The following MMD2 variants were observed in gnomAD, a reference collection of about 807,000 sequenced individuals.
The protein encoded by MMD2 is monocyte to macrophage differentiation factor 2.
In MMD2, 30 loss-of-function variants were observed where a neutral mutation model predicts 33.5. The ratio of observed to expected loss-of-function variants is 0.90; its 90% CI spans 0.67 to 1.22. The LOEUF is 1.22. MMD2 is among the 50% of genes most tolerant of loss of function. The pLI is 0.00. For synonymous variants in MMD2, 129 were observed against 123.0 expected, an observed-to-expected ratio of 1.05 and a Z score of -0.32; for missense variants, 364 against 325.4, an observed-to-expected ratio of 1.12 and a Z score of -0.91.
At chr7:4,931,418 G>A (rs1391591245) in intron 1 of MMD2, among the ~76,000 whole-genome samples, 1 of 151,704 alleles carries the variant, frequency 6.6e-6, no homozygotes, top group Admixed American at 6.6e-5. Flanking sequence ...CTCCCAAAGT[G>A]TTGGGATTAC....
intron 2 of MMD2, among the ~76,000 whole-genome samples, 196 bp downstream of exon 2, chr7:4,925,255 C>T (rs972987929): frequency 6.6e-6 from 1 of 152,088 alleles, no homozygotes; most frequent in African/African-American, 2.4e-5. Context: ...TAGAGCAAGA[C>T]AGAGACATGG....
Position 4,907,092 on chromosome 7 carries a change from C to G in MMD2, c.*304G>C. ...GAAACACAGATTGGCCCGTCATTCC[C>G]CAATTTTCCAGGACCATGCCTGCTT... On this transcript the variant is annotated 3_prime_UTR_variant, in exon 7 of 7. Transcript: ENST00000401401. The G allele has an allele frequency of 2.8e-6, 1 of 360,674 alleles. No individual in the cohort carries two copies. Among genetic ancestry groups the G allele is most frequent in the Non-Finnish European group, 5.1e-6 (1 of 195,054 alleles). The allele number at this position is 360,674 out of a possible 1,614,324, so 22.3% of individuals were successfully genotyped here. A position where few individuals can be genotyped will look rare whatever the true frequency, so the allele number is the denominator to read the frequency against.
rs183592231 is a variant in MMD2 at position 4,937,978 on chromosome 7, T to C, written c.48-12446A>G. 4.1e-3 allele frequency among the ~76,000 whole-genome samples: 600 copies of C among 147,194 alleles called. 2 individuals are homozygous for C. Among genetic ancestry groups the C allele is most frequent in the African/African-American group, 0.014 (555 of 39,948 alleles). On this transcript the variant is annotated intron_variant, in intron 1 of 6. Transcript: ENST00000401401. Reference sequence around the variant, plus strand: ...GAAAACAATTTAATTTCTTTTTCTTTTTTTTTTCTTTTTTTCTTTCTTTCT... The same window carrying C: ...GAAAACAATTTAATTTCTTTTTCTTCTTTTTTTCTTTTTTTCTTTCTTTCT...
chr7:4,948,316 C>G lies in MMD2; in HGVS notation c.47+10655G>C, dbSNP rs1007033818. ...CTGAGGCAGGCAGATCACCTGAGGC[C>G]AGGAGTTAGAGACCAGCCTTGGGGG... On this transcript the variant is annotated intron_variant, in intron 1 of 6. Transcript: ENST00000401401. Among the ~76,000 whole-genome samples the G allele has an allele frequency of 3.3e-5, 5 of 152,096 alleles. No individual in the cohort carries two copies. The East Asian group carries it at 9.7e-4, about 29-fold the overall frequency.
chr7:4,950,818 A>G (rs942383587), intron 1 of MMD2, among the ~76,000 whole-genome samples: 1 of 151,310 alleles, frequency 6.6e-6, no homozygotes, highest in African/African-American at 2.4e-5. Flanking sequence ...GATTCAAGCA[A>G]TTCTCGTGCC....
the MMD2 span, among the ~76,000 whole-genome samples, chr7:4,899,207 C>T: frequency 3.3e-5 from 5 of 152,106 alleles, no homozygotes; most frequent in African/African-American, 1.2e-4. Context: ...TTGGACTTCT[C>T]AGCCTCCAGA....
chr7:4,905,695 T>G (rs538540706), downstream of MMD2, among the ~76,000 whole-genome samples: 5 of 151,616 alleles, frequency 3.3e-5, no homozygotes, highest in Admixed American at 3.3e-4. This position sits in a 1 kb window ranked among gnomAD's most constrained non-coding sequence, Gnocchi z 5.0. Flanking sequence ...AGAGGTCAAG[T>G]TTTCAGTGTC....
chr7:4,895,560 G>C, the MMD2 span, among the ~76,000 whole-genome samples: 8 of 149,578 alleles, frequency 5.3e-5, no homozygotes, highest in African/African-American at 2.0e-4. Flanking sequence ...TTTTTGAGAC[G>C]GAGTCTCGCT....
intron 1 of MMD2, among the ~76,000 whole-genome samples, chr7:4,958,592 T>C (rs1335007433): frequency 1.3e-5 from 2 of 152,144 alleles, no homozygotes; most frequent in African/African-American, 2.4e-5. Flanking sequence ...AGACCGAGCG[T>C]AACTGCCCGA....
intron 3 of MMD2, among the ~76,000 whole-genome samples, chr7:4,917,536 C>T (rs1214424604): frequency 6.6e-6 from 1 of 151,642 alleles, no homozygotes; most frequent in Non-Finnish European, 1.5e-5. Flanking sequence ...ACTAAAAATA[C>T]AAAAAATTAG....
downstream of MMD2, among the ~76,000 whole-genome samples, chr7:4,905,239 AAGG>A (rs1784845795): frequency 6.6e-6 from 1 of 151,530 alleles, no homozygotes; most frequent in Non-Finnish European, 1.5e-5. This position sits in a 1 kb window ranked among gnomAD's most constrained non-coding sequence, Gnocchi z 5.0. Context: ...AGAAAAGAAG[AAGG>A]AGAAGGAGGA....
At chr7:4,953,756 C>T (rs1457320491) in intron 1 of MMD2, among the ~76,000 whole-genome samples, 1 of 152,144 alleles carries the variant, frequency 6.6e-6, no homozygotes, top group Admixed American at 6.6e-5. Context: ...AAGGCGTGAG[C>T]CACCGCACCC....
intron 1 of MMD2, among the ~76,000 whole-genome samples, chr7:4,949,246 C>G (rs533304556): frequency 5.7e-4 from 87 of 152,078 alleles, no homozygotes; most frequent in African/African-American, 1.8e-3. Flanking sequence ...ACTATTGTCA[C>G]CCTGCTTGCT....
intron 1 of MMD2, among the ~76,000 whole-genome samples, chr7:4,931,548 G>T (rs979958699): frequency 2.0e-5 from 3 of 151,954 alleles, no homozygotes; most frequent in Admixed American, 2.0e-4. Context: ...GAACTCCTGG[G>T]CTCCACGGAT....
Position 4,940,647 on chromosome 7 carries a change from A to C in MMD2, c.48-15115T>G, listed in dbSNP as rs1481543978. Among the ~76,000 whole-genome samples, 4 of 152,200 alleles carry C rather than the reference A, an allele frequency of 2.6e-5. No individual in the cohort carries two copies. Among genetic ancestry groups the C allele is most frequent in the African/African-American group, 9.6e-5 (4 of 41,458 alleles). On this transcript the variant is annotated intron_variant, in intron 1 of 6. Transcript: ENST00000401401. The surrounding 1 kb of genome is among the most constrained non-coding windows in gnomAD (Gnocchi z 5.0). Reference sequence around the variant, plus strand: ...TGAAAGGCCGGCGGTATCTTGGCTCAGTCTTTGGGAAACAGTCCTTGGGCC... The same window carrying C: ...TGAAAGGCCGGCGGTATCTTGGCTCCGTCTTTGGGAAACAGTCCTTGGGCC...
In MMD2 at chr7:4,920,319, G is replaced by A; in HGVS notation, c.142C>T (p.Pro48Ser). Residue 48 changes from proline to serine, a missense_variant, in exon 3 of 7, where the codon CCC becomes TCC. By Grantham distance (74) the Pro-to-Ser change is moderately conservative. Coordinates refer to ENST00000401401, the MANE Select transcript of MMD2 (RefSeq NM_198403.4). ...NCATHAFWII[P>S]SILGSSNLYF... ...AGGTTGGAGCTGCCCAGGATGCTGGGGATGATCCAGAACTGGAGGGGCAGG... is the reference window on the plus strand; with the variant it reads ...AGGTTGGAGCTGCCCAGGATGCTGGAGATGATCCAGAACTGGAGGGGCAGG... 5 of 1,608,362 alleles carry A rather than the reference G, an allele frequency of 3.1e-6. No individual in the cohort carries two copies. Among genetic ancestry groups the A allele is most frequent in the Non-Finnish European group, 4.2e-6 (5 of 1,177,810 alleles).
At chr7:4,919,352 A>G (rs919550581) in intron 3 of MMD2, among the ~76,000 whole-genome samples, 1 of 151,822 alleles carries the variant, frequency 6.6e-6, no homozygotes, top group Non-Finnish European at 1.5e-5. Flanking sequence ...GTGGATCACT[A>G]GAGCCCATGA....
At chr7:4,904,915 G>A (rs577747980), downstream of MMD2, among the ~76,000 whole-genome samples, 1 of 152,348 alleles carries the variant, frequency 6.6e-6, no homozygotes, top group South Asian at 2.1e-4. Flanking sequence ...GCATGACAGG[G>A]AGCAGAGGGG....
At chr7:4,930,804 C>G (rs1318165398) in intron 1 of MMD2, among the ~76,000 whole-genome samples, 1 of 152,156 alleles carries the variant, frequency 6.6e-6, no homozygotes, top group East Asian at 1.9e-4. Context: ...GATTCCAGCC[C>G]TCGGACAAAA....
Sources: gnomAD v4.1 joint callset for allele counts (sites outside exome capture counted in the v4.1 genomes callset) on GRCh38, gnomAD v4.1.1 for gene constraint, Gnocchi (gnomAD v3.1) non-coding constraint, MANE v1.5 for transcripts, NCBI Gene and HGNC (gene_info 2026-07-23, HGNC 2026-07-21) for gene names.